NMD3: variants seen among roughly 807,000 people sequenced by gnomAD.
NMD3 encodes the protein 60S ribosomal export protein NMD3.
In NMD3, 47 loss-of-function variants were observed where a neutral mutation model predicts 73.1. The observed-to-expected ratio is 0.64, with a 90% CI of 0.51 to 0.82. The LOEUF is 0.82. Among genes scored for constraint, NMD3 ranks in the 40% least tolerant of loss-of-function variants. NMD3 has a pLI of 0.00. For missense variants in NMD3, 554 were observed against 612.5 expected (o/e 0.90, Z 1.01); for synonymous variants, 210 against 194.5 (o/e 1.08, Z -0.66).
At chr3:161,232,650 C>T (rs980440410) in intron 4 of NMD3, among the ~76,000 whole-genome samples, 1 of 152,162 alleles carries the variant, frequency 6.6e-6, no homozygotes, top group Non-Finnish European at 1.5e-5. Context: ...TTAAATCTTA[C>T]AGATTTTTTT....
At chr3:161,221,958 C>CTTTTTTTTTTT (rs376329329) in intron 1 of NMD3, 36 bp from the exon 2 acceptor site, 2 of 868,832 alleles carry the variant, frequency 2.3e-6, no homozygotes, top group African/African-American at 2.1e-5. Flanking sequence ...CCAACATTCT[C>CTTTTTTTTTTT]TTTTTTTTTT....
At chr3:161,232,309 AAGTGGCCAGTCTAC>A (rs1736574963) in intron 4 of NMD3, among the ~76,000 whole-genome samples, 1 of 152,128 alleles carries the variant, frequency 6.6e-6, no homozygotes, top group Non-Finnish European at 1.5e-5. Context: ...TCTACACTAA[AAGTGGCCAGTCTAC>A]TTTTTACCAG....
chr3:161,246,473 C>A, intron 12 of NMD3, 25 bp downstream of exon 12: 1 of 1,088,066 alleles, frequency 9.2e-7, no homozygotes, highest in South Asian at 1.8e-5. Context: ...ATATTTTAAA[C>A]TGCCAATTAG....
chr3:161,248,471 T>C (rs4493448), intron 13 of NMD3, among the ~76,000 whole-genome samples: 90,582 of 151,808 alleles, frequency 0.6, 28,031 homozygotes, highest in East Asian at 0.91. Flanking sequence ...GCCTGGGTGA[T>C]AGAGCAAGAT....
chr3:161,224,243 A>G (rs187775353), intron 2 of NMD3, among the ~76,000 whole-genome samples: 91 of 152,282 alleles, frequency 6.0e-4, no homozygotes, highest in Non-Finnish European at 1.1e-3. Context: ...TGAGTTTCTC[A>G]GTTGTACTAG....
chr3:161,245,598 CTTTAT>C (rs1246723705), intron 11 of NMD3, among the ~76,000 whole-genome samples: 2 of 151,716 alleles, frequency 1.3e-5, no homozygotes, highest in East Asian at 1.9e-4. Context: ...CTTTTCATAA[CTTTAT>C]TTTGAGATTC....
At chr3:161,226,987 T>C (rs1275996458) in intron 3 of NMD3, among the ~76,000 whole-genome samples, 1 of 152,200 alleles carries the variant, frequency 6.6e-6, no homozygotes, top group Admixed American at 6.5e-5. Context: ...TAGTGGTGAT[T>C]TGGTGATTAA....
In NMD3 at chr3:161,225,002, A is replaced by G; in HGVS notation, c.117A>G (p.Lys39=). The G allele has an allele frequency of 1.2e-6, 2 of 1,614,056 alleles. No individual in the cohort carries two copies. Among genetic ancestry groups the G allele is most frequent in the Non-Finnish European group, 1.7e-6 (2 of 1,179,982 alleles). Residue 39 remains lysine, a synonymous_variant, in exon 3 of 16, where the codon AAA becomes AAG. Coordinates refer to ENST00000351193, the MANE Select transcript of NMD3 (RefSeq NM_015938.5). ...ANICVACLRS[K]VDISQGIPKQ... is the part of the protein sequence containing the mutation. ...TTTGTGTGGCCTGTTTGCGAAGTAA[A>G]GTGGACATCAGCCAAGGTATTCCGA...
At chr3:161,249,375 A>T (rs1273623124) in intron 13 of NMD3, 79 bp from the exon 14 acceptor site, 3 of 869,184 alleles carry the variant, frequency 3.5e-6, no homozygotes, top group Non-Finnish European at 5.5e-6. Flanking sequence ...TAGTTTGGTC[A>T]TTTTTTAGCT....
Position 161,250,916 on chromosome 3 carries a change from T to TGTTGTAG in NMD3, c.*7_*13dup. ...GTGCATCAATGCTGACATAATGAGA[T>TGTTGTAG]GTTGTAGACTGTTTCCATACATGGG... is the stretch of plus-strand genomic sequence containing the variant. On this transcript the variant is annotated 3_prime_UTR_variant, in exon 16 of 16. Coordinates refer to ENST00000351193, the MANE Select transcript of NMD3 (RefSeq NM_015938.5). The TGTTGTAG allele has an allele frequency of 6.2e-7, 1 of 1,608,258 alleles. No homozygotes were observed. Among genetic ancestry groups the TGTTGTAG allele is most frequent in the Non-Finnish European group, 8.5e-7 (1 of 1,176,474 alleles).
intron 3 of NMD3, 64 bp downstream of exon 3, chr3:161,225,128 T>TA: frequency 1.3e-6 from 2 of 1,517,302 alleles, no homozygotes; most frequent in Non-Finnish European, 1.8e-6. Flanking sequence ...ACCACCGAGA[T>TA]ATGCTGAGAT....
chr3:161,221,860 C>T, intron 1 of NMD3, 134 bp from the exon 2 acceptor site: 1 of 555,926 alleles, frequency 1.8e-6, no homozygotes, highest in Non-Finnish European at 3.0e-6. Flanking sequence ...TTCTTTCCTG[C>T]TTTTTCGAAG....
At chr3:161,238,090 A>T in intron 7 of NMD3, 23 bp from the exon 8 acceptor site, 1 of 1,206,296 alleles carries the variant, frequency 8.3e-7, no homozygotes, top group Non-Finnish European at 1.2e-6. Context: ...TTATTTTCAT[A>T]GGGCTTTTTT....
rs545039331 is a variant in NMD3 at position 161,249,096 on chromosome 3, GA to G, written c.1204-351del. ...TAAATGCTTATTGGTGGGTATAAGA[GA>G]AAAAAAGTATCTACTTGTGATATTC... On this transcript the variant is annotated intron_variant, in intron 13 of 15. Transcript: ENST00000351193. Among the ~76,000 whole-genome samples the G allele has an allele frequency of 4.4e-4, 67 of 152,038 alleles. 1 individual carries two copies. The South Asian group carries it at 0.012, about 28-fold the overall frequency.
intron 10 of NMD3, among the ~76,000 whole-genome samples, chr3:161,241,964 A>G (rs2108094305): frequency 6.6e-6 from 1 of 151,990 alleles, no homozygotes; most frequent in East Asian, 1.9e-4. Context: ...TAGTATTTGG[A>G]TGTATCTTCT....
At chr3:161,225,848 A>G (rs1736291736) in intron 3 of NMD3, among the ~76,000 whole-genome samples, 1 of 152,054 alleles carries the variant, frequency 6.6e-6, no homozygotes, top group Non-Finnish European at 1.5e-5. Context: ...GTATATATGT[A>G]AAAATATATA....
chr3:161,229,189 C>T (rs1219937695), intron 4 of NMD3, among the ~76,000 whole-genome samples: 2 of 152,146 alleles, frequency 1.3e-5, no homozygotes, highest in African/African-American at 2.4e-5. Context: ...GGGGCTGTTT[C>T]TTACTCTGAG....
intron 2 of NMD3, 103 bp downstream of exon 2, chr3:161,222,160 T>G (rs2108070929): frequency 1.1e-6 from 1 of 897,076 alleles, no homozygotes; most frequent in East Asian, 2.4e-5. Context: ...AAAGAGCGTA[T>G]ATTGTCATAA....
intron 2 of NMD3, among the ~76,000 whole-genome samples, chr3:161,224,683 C>T (rs1736238168): frequency 6.6e-6 from 1 of 151,782 alleles, no homozygotes; most frequent in African/African-American, 2.4e-5. Context: ...GATGGGGTTT[C>T]ACCATGTTGG....
Sources: allele counts gnomAD v4.1 joint callset (sites outside exome capture counted in the v4.1 genomes callset), GRCh38; gene constraint gnomAD v4.1.1; transcripts MANE v1.5; gene names NCBI Gene and HGNC (gene_info 2026-07-23, HGNC 2026-07-21).